DOP1A: variants seen among roughly 807,000 people sequenced by gnomAD.
The protein encoded by DOP1A is protein DOP1A.
Under a neutral mutation model 267.6 loss-of-function variants are expected in DOP1A, and 90 were observed. The observed-to-expected ratio is 0.34, with a 90% confidence interval of 0.28 to 0.40. DOP1A has a LOEUF of 0.40. Among genes scored for constraint, DOP1A ranks in the 10% least tolerant of loss-of-function variants. The probability of loss-of-function intolerance (pLI) is 1.00; values close to 1 mark genes in which losing one functional copy is unlikely to be tolerated. For synonymous variants in DOP1A, 932 were observed against 999.1 expected, an observed-to-expected ratio of 0.93 and a Z score of 1.27; for missense variants, 2,437 against 2,900.4, an observed-to-expected ratio of 0.84 and a Z score of 3.67.
chr6:83,122,430 G>A (rs149804948), intron 11 of DOP1A, among the ~76,000 whole-genome samples: 1,561 of 151,932 alleles, frequency 0.01, 23 homozygotes, highest in African/African-American at 0.035. Flanking sequence ...ACTGGTCAAG[G>A]TAAACCTTTC....
At chr6:83,157,032 G>A (rs907236930) in intron 34 of DOP1A, 150 bp from the exon 35 acceptor site, 4 of 660,932 alleles carry the variant, frequency 6.1e-6, no homozygotes, top group East Asian at 3.0e-5. Flanking sequence ...TCTCTTATTC[G>A]TTGTTTTATG....
intron 1 of DOP1A, among the ~76,000 whole-genome samples, chr6:83,068,110 C>G (rs1056695441): frequency 3.3e-5 from 5 of 152,150 alleles, no homozygotes; most frequent in Non-Finnish European, 7.4e-5. Context: ...CCTGCTGGGG[C>G]GGAGCGGTGC....
At chr6:83,112,581 C>T (rs1338944350) in intron 6 of DOP1A, among the ~76,000 whole-genome samples, 1 of 152,168 alleles carries the variant, frequency 6.6e-6, no homozygotes. Context: ...TCCCTTGCCT[C>T]AGCCACCTGA....
rs199929407 is a variant in DOP1A at position 83,104,026 on chromosome 6, TAGTTTAATGA to T, written c.320+3144_320+3153del. 7.7e-3 allele frequency among the ~76,000 whole-genome samples: 1,170 copies of T among 152,318 alleles called. 13 individuals carry two copies. Among genetic ancestry groups the T allele is most frequent in the African/African-American group, 0.026 (1,067 of 41,586 alleles). ...GCTGTCTTTTGAAGAAAGTTTTTTT[TAGTTTAATGA>T]AGTCTGATTTATCAACCTTTTATTA... On this transcript the variant is annotated intron_variant, in intron 4 of 38. Coordinates refer to ENST00000349129, the MANE Select transcript of DOP1A (RefSeq NM_015018.4).
chr6:83,145,811 A>T (rs1256780296), intron 25 of DOP1A, among the ~76,000 whole-genome samples, 153 bp downstream of exon 25: 1 of 152,202 alleles, frequency 6.6e-6, no homozygotes, highest in Non-Finnish European at 1.5e-5. Flanking sequence ...CAAAACAATT[A>T]TCAATATTTG....
chr6:83,166,488 G>A (rs575701725), intron 38 of DOP1A: 5 of 695,820 alleles, frequency 7.2e-6, no homozygotes, highest in African/African-American at 3.5e-5. Context: ...TCAGAAAATC[G>A]CTAAATTTGA....
chr6:83,068,403 C>T (rs1785058485), intron 1 of DOP1A, among the ~76,000 whole-genome samples: 1 of 152,186 alleles, frequency 6.6e-6, no homozygotes, highest in East Asian at 1.9e-4. Context: ...GTTCGGGCCT[C>T]CTCCATTCCT....
rs769757581 is a variant in DOP1A at position 83,137,666 on chromosome 6, G to A, written c.3624G>A (p.Leu1208=). Residue 1208 remains leucine (L), a synonymous_variant, in exon 21 of 39, where the codon TTG becomes TTA. Coordinates refer to ENST00000349129, the MANE Select transcript of DOP1A (RefSeq NM_015018.4). ...CCATTCAACAGAGTCAGAATGCTTT[G>A]CTGAGTAATGAAAGTTCTCAGTTTC... ...DDSIQQSQNA[L]LSNESSQFLS... 6.8e-6 allele frequency: 11 copies of A among 1,613,552 alleles called. No individual in the cohort carries two copies. In the African/African-American group the frequency reaches 1.5e-4, roughly 22 times the overall value.
At chr6:83,077,857 A>G (rs1168898749) in intron 1 of DOP1A, among the ~76,000 whole-genome samples, 1 of 152,240 alleles carries the variant, frequency 6.6e-6, no homozygotes. Context: ...ACTTAACTAT[A>G]GCTGATAAGC....
Position 83,137,857 on chromosome 6 carries a change from T to G in DOP1A, c.3815T>G (p.Phe1272Cys), listed in dbSNP as rs1311046006. The change falls in exon 21 of 39, where the codon TTC (phenylalanine) becomes TGC (cysteine). Residue 1272 changes from phenylalanine (F) to cysteine (C), a missense_variant. Transcript: ENST00000349129. ...QRSHSSIQFS[F>C]KEKLSEKVSE... ...AGTCACAGTAGTATTCAATTCAGCT[T>G]CAAAGAAAAATTATCAGAAAAAGTT... 1 of 1,613,256 alleles carries G rather than the reference T, an allele frequency of 6.2e-7. No homozygotes were observed. The highest frequency in any genetic ancestry group is 1.7e-5 in the Admixed American group (1 of 59,938).
intron 23 of DOP1A, among the ~76,000 whole-genome samples, chr6:83,140,786 A>C (rs933080264): frequency 2.6e-5 from 4 of 152,206 alleles, no homozygotes. Flanking sequence ...AAATGGAATG[A>C]TAACAATATT....
intron 12 of DOP1A, 42 bp from the exon 13 acceptor site, chr6:83,124,663 C>A: frequency 7.1e-7 from 1 of 1,414,614 alleles, no homozygotes; most frequent in Non-Finnish European, 1.0e-6. Context: ...GTATTCACAT[C>A]ACTTGACAGT....
chr6:83,155,294 T>G (rs893536156), intron 33 of DOP1A, among the ~76,000 whole-genome samples: 1 of 143,060 alleles, frequency 7.0e-6, no homozygotes, highest in African/African-American at 2.6e-5. Context: ...AGACCCCAGC[T>G]CTACAAAAAA....
chr6:83,085,116 T>G (rs1768860207), intron 1 of DOP1A, among the ~76,000 whole-genome samples: 1 of 152,232 alleles, frequency 6.6e-6, no homozygotes, highest in South Asian at 2.1e-4. Flanking sequence ...CTATACTAGT[T>G]AAGAAATAGA....
At chr6:83,142,143 T>A in intron 24 of DOP1A, 97 bp downstream of exon 24, 2 of 1,426,626 alleles carry the variant, frequency 1.4e-6, no homozygotes, top group Non-Finnish European at 1.9e-6. Flanking sequence ...CGGGGTAGAT[T>A]CGAGTGTAAA....
At position 83,163,667 on chromosome 6, in the gene DOP1A, C is replaced by G. The variant is rs12190346; in HGVS notation, c.7092+748C>G. On this transcript the variant is annotated intron_variant, in intron 38 of 38. Transcript: ENST00000349129. ...GAATCTAAAGTTTCACAAAACAGTT[C>G]TTGCCCTTAACATGAGATATTTTCC... is the stretch of plus-strand genomic sequence containing the variant. Among the ~76,000 whole-genome samples the G allele has an allele frequency of 2.6e-5, 4 of 152,158 alleles. No homozygotes were observed. The East Asian group carries it at 7.7e-4, about 29-fold the overall frequency.
At chr6:83,132,062 T>G in intron 17 of DOP1A, 114 bp from the exon 18 acceptor site, 2 of 1,271,886 alleles carry the variant, frequency 1.6e-6, no homozygotes, top group Admixed American at 2.0e-5. Flanking sequence ...CAGTAGAATA[T>G]TAAAAGCCTT....
intron 19 of DOP1A, among the ~76,000 whole-genome samples, chr6:83,135,223 C>T (rs1778695963): frequency 6.6e-6 from 1 of 151,908 alleles, no homozygotes; most frequent in African/African-American, 2.4e-5. Flanking sequence ...AGCTTTGGCT[C>T]ACAAGGAGAG....
intron 23 of DOP1A, among the ~76,000 whole-genome samples, 178 bp from the exon 24 acceptor site, chr6:83,141,739 TTTTC>T (rs1244504670): frequency 1.3e-5 from 2 of 152,190 alleles, no homozygotes; most frequent in Non-Finnish European, 2.9e-5. Context: ...TAGGATTTGT[TTTTC>T]TTTTAGAATT....
Sources: gnomAD v4.1 joint callset for allele counts (sites outside exome capture counted in the v4.1 genomes callset) on GRCh38, gnomAD v4.1.1 for gene constraint, MANE v1.5 for transcripts, NCBI Gene and HGNC (gene_info 2026-07-23, HGNC 2026-07-21) for gene names.